The following HS6ST2 variants were observed in gnomAD, a reference collection of about 807,000 sequenced individuals.
HS6ST2 encodes the protein heparan-sulfate 6-O-sulfotransferase 2.
A neutral mutation model predicts 33.0 loss-of-function variants in HS6ST2; 17 were observed. The ratio of observed to expected loss-of-function variants is 0.52; its 90% CI spans 0.35 to 0.77. The LOEUF is 0.77. Among genes scored for constraint, HS6ST2 ranks in the 30% least tolerant of loss-of-function variants. HS6ST2 has a pLI of 0.01. For missense variants in HS6ST2, 519 were observed against 551.7 expected (o/e 0.94, Z 0.59); for synonymous variants, 248 against 237.1 (o/e 1.05, Z -0.42).
chrX:132,812,408 T>TAATAATAATAAC (rs1556452693), intron 2 of HS6ST2, among the ~76,000 whole-genome samples: 1 of 69,269 alleles, frequency 1.4e-5, no homozygotes, highest in African/African-American at 4.9e-5. Flanking sequence ...CTGTCTCAAA[T>TAATAATAATAAC]AATAATAATA....
At chrX:132,910,682 G>A (rs924192505) in intron 2 of HS6ST2, among the ~76,000 whole-genome samples, 1 of 111,760 alleles carries the variant, frequency 8.9e-6, no homozygotes, top group Non-Finnish European at 1.9e-5. Flanking sequence ...TCAAAGGGAA[G>A]TCAGTTCCAG....
Position 132,890,665 on chromosome X carries a change from A to C in HS6ST2, c.947+66143T>G, listed in dbSNP as rs191413245. On this transcript the variant is annotated intron_variant, in intron 2 of 4. Coordinates refer to ENST00000370833, the MANE Select transcript of HS6ST2 (RefSeq NM_001394073.1). ...TAAATATTGATCAAGCTCATTTTGCAGATAGATATTGAAAATGCAGAGACC... is the reference window on the plus strand; with the variant it reads ...TAAATATTGATCAAGCTCATTTTGCCGATAGATATTGAAAATGCAGAGACC... Among the ~76,000 whole-genome samples, 13 of 110,608 alleles carry C rather than the reference A, an allele frequency of 1.2e-4. No homozygotes were observed. The East Asian group carries it at 3.2e-3, about 27-fold the overall frequency.
intron 2 of HS6ST2, among the ~76,000 whole-genome samples, chrX:132,890,450 T>C (rs937254976): frequency 2.5e-4 from 27 of 106,278 alleles, no homozygotes; most frequent in African/African-American, 8.9e-4. Flanking sequence ...CCGCAATTAC[T>C]TGTGCACCAA....
At chrX:132,741,296 G>C (rs1176679876) in intron 2 of HS6ST2, among the ~76,000 whole-genome samples, 2 of 107,418 alleles carry the variant, frequency 1.9e-5, no homozygotes, top group Admixed American at 2.0e-4. Context: ...TTTTGTTTTT[G>C]GTTTTGTTTT....
chrX:132,751,698 C>T (rs760505417), intron 2 of HS6ST2, among the ~76,000 whole-genome samples: 1 of 113,074 alleles, frequency 8.8e-6, no homozygotes, highest in South Asian at 3.6e-4. Flanking sequence ...CACACTGTCA[C>T]TTCCGGGATT....
chrX:132,848,564 T>C (rs1332953921), intron 2 of HS6ST2, among the ~76,000 whole-genome samples: 1 of 112,063 alleles, frequency 8.9e-6, no homozygotes, highest in Non-Finnish European at 1.9e-5. Context: ...GCCGTTTTCA[T>C]AGATGAGCGC....
intron 4 of HS6ST2, among the ~76,000 whole-genome samples, chrX:132,666,378 C>A (rs916255161): frequency 4.5e-5 from 5 of 111,616 alleles, no homozygotes; most frequent in East Asian, 2.8e-4. Flanking sequence ...GCCCCAGAGT[C>A]TAGTGCAATG....
intron 2 of HS6ST2, among the ~76,000 whole-genome samples, chrX:132,823,523 T>G (rs1484372150): frequency 9.2e-6 from 1 of 109,266 alleles, no homozygotes; most frequent in Non-Finnish European, 1.9e-5. Context: ...TCAGAACAAA[T>G]GAATTTTGGT....
intron 2 of HS6ST2, among the ~76,000 whole-genome samples, chrX:132,778,877 A>C (rs2064992051): frequency 8.9e-6 from 1 of 112,155 alleles, no homozygotes; most frequent in South Asian, 3.7e-4. Flanking sequence ...GAAAAGCTAT[A>C]AAAACATTTA....
intron 2 of HS6ST2, among the ~76,000 whole-genome samples, chrX:132,900,865 T>A (rs1169349063): frequency 9.0e-6 from 1 of 111,331 alleles, no homozygotes; most frequent in African/African-American, 3.3e-5. Context: ...ACAAATGGAA[T>A]AGCGCAAAAG....
At chrX:132,650,142 A>C (rs2063679216) in intron 4 of HS6ST2, among the ~76,000 whole-genome samples, 1 of 111,820 alleles carries the variant, frequency 8.9e-6, no homozygotes, top group Non-Finnish European at 1.9e-5. Context: ...ATGAATATAC[A>C]TGATAAAGCC....
chrX:132,708,311 A>AG, intron 3 of HS6ST2, 151 bp downstream of exon 3: 1 of 296,679 alleles, frequency 3.4e-6, no homozygotes, highest in African/African-American at 2.9e-5. Flanking sequence ...AAAAAAAAAA[A>AG]AAAAAAAAAA....
chrX:132,760,361 TGTGACA>T (rs1200568845), intron 2 of HS6ST2, among the ~76,000 whole-genome samples: 1 of 111,018 alleles, frequency 9.0e-6, no homozygotes, highest in Admixed American at 9.6e-5. Context: ...ATGCTGTTCT[TGTGACA>T]GTGAGTTCTC....
At chrX:132,944,282 G>A (rs924496219) in intron 2 of HS6ST2, among the ~76,000 whole-genome samples, 3 of 111,218 alleles carry the variant, frequency 2.7e-5, no homozygotes, top group Non-Finnish European at 3.8e-5. Context: ...AAAATACCTA[G>A]GAATCCAACT....
intron 2 of HS6ST2, among the ~76,000 whole-genome samples, chrX:132,768,444 G>C (rs1242030171): frequency 3.4e-4 from 38 of 111,048 alleles, no homozygotes; most frequent in Non-Finnish European, 9.4e-5. Flanking sequence ...TTCTAGTTTG[G>C]AGAAATAATT....
At chrX:132,898,213 C>A (rs985528395) in intron 2 of HS6ST2, among the ~76,000 whole-genome samples, 1 of 109,659 alleles carries the variant, frequency 9.1e-6, no homozygotes, top group Non-Finnish European at 1.9e-5. Flanking sequence ...TTGTCTTCTA[C>A]GAAACTGTTC....
chrX:132,835,365 C>T (rs951286645), intron 2 of HS6ST2, among the ~76,000 whole-genome samples: 14 of 111,350 alleles, frequency 1.3e-4, no homozygotes, highest in Admixed American at 1.2e-3. Flanking sequence ...AGGAGGAGGA[C>T]GGAGCACCAA....
At chrX:132,926,648 C>T (rs1433098570) in intron 2 of HS6ST2, among the ~76,000 whole-genome samples, 1 of 112,440 alleles carries the variant, frequency 8.9e-6, no homozygotes, top group South Asian at 3.7e-4. Context: ...TCTGGCTGAG[C>T]GCAGTAGCTC....
At chrX:132,837,295 A>G (rs2065653335) in intron 2 of HS6ST2, among the ~76,000 whole-genome samples, 2 of 109,634 alleles carry the variant, frequency 1.8e-5, no homozygotes, top group Non-Finnish European at 3.8e-5. Context: ...CCTCCAGGAA[A>G]TGTGGGAAAA....
Sources: allele counts gnomAD v4.1 joint callset (sites outside exome capture counted in the v4.1 genomes callset), GRCh38; gene constraint gnomAD v4.1.1; transcripts MANE v1.5; gene names NCBI Gene and HGNC (gene_info 2026-07-23, HGNC 2026-07-21).